PARVB: variants seen among roughly 807,000 people sequenced by gnomAD.
The protein encoded by PARVB is beta-parvin.
PARVB carries 46 observed loss-of-function variants against 47.0 expected under a neutral mutation model. The observed-to-expected ratio is 0.98, with a 90% CI of 0.77 to 1.25. The LOEUF is 1.25. Ranked by LOEUF, PARVB falls within the 50% of genes most tolerant of loss-of-function variation. The pLI is 0.00. For missense variants in PARVB, 473 were observed against 471.6 expected, an observed-to-expected ratio of 1.00 and a Z score of -0.03; for synonymous variants, 196 against 196.3, an observed-to-expected ratio of 1.00 and a Z score of 0.01.
At chr22:44,115,258 A>G (rs1408438232) in intron 3 of PARVB, 2 of 72,380 alleles carry the variant, frequency 2.8e-5, no homozygotes, top group Non-Finnish European at 5.4e-5. Flanking sequence ...ACACAGATAC[A>G]TTGTTACTAA....
chr22:44,114,332 T>C (rs1305518247), intron 3 of PARVB: 1 of 149,400 alleles, frequency 6.7e-6, no homozygotes, highest in Non-Finnish European at 1.5e-5. Context: ...ACATTGTTAC[T>C]AAAGCCTTGC....
At chr22:44,094,563 C>T (rs1448409294) in intron 2 of PARVB, among the ~76,000 whole-genome samples, 1 of 152,040 alleles carries the variant, frequency 6.6e-6, no homozygotes, top group African/African-American at 2.4e-5. Flanking sequence ...GATCACAGCT[C>T]ATGGCAGCCT....
intron 12 of PARVB, among the ~76,000 whole-genome samples, chr22:44,165,388 C>G (rs921005076): frequency 2.0e-5 from 3 of 152,342 alleles, no homozygotes; most frequent in Admixed American, 2.0e-4. Context: ...AACTGCTCGA[C>G]AGCACGGATC....
chr22:44,163,972 G>A (rs370326203), intron 12 of PARVB, 42 bp downstream of exon 12: 67 of 1,496,376 alleles, frequency 4.5e-5, no homozygotes, highest in African/African-American at 1.8e-4. Context: ...AGGTGCGCAC[G>A]GAGGGGAAGA....
intron 2 of PARVB, among the ~76,000 whole-genome samples, chr22:44,001,182 G>A (rs978966002): frequency 6.6e-6 from 1 of 152,146 alleles, no homozygotes; most frequent in Non-Finnish European, 1.5e-5. Flanking sequence ...CCCGGGAGGC[G>A]GAGCTTGCAG....
intron 3 of PARVB, chr22:44,105,847 G>GTCT (rs2052554454): frequency 6.6e-6 from 1 of 152,224 alleles, no homozygotes; most frequent in African/African-American, 2.4e-5. Flanking sequence ...TTGAGATAGG[G>GTCT]TCTTACTCTA....
intron 1 of PARVB, among the ~76,000 whole-genome samples, chr22:44,066,823 T>TCCTCC (rs1569088076): frequency 4.1e-5 from 1 of 24,646 alleles, no homozygotes; most frequent in African/African-American, 2.3e-4. Flanking sequence ...CCTCCTCCTC[T>TCCTCC]TCCTCCTCCA....
chr22:44,156,237 C>T (rs1013734702), intron 10 of PARVB, among the ~76,000 whole-genome samples: 1 of 151,398 alleles, frequency 6.6e-6, no homozygotes, highest in Non-Finnish European at 1.5e-5. Flanking sequence ...TGCTAAAGGT[C>T]AGGGCTTCTG....
chr22:44,160,034 A>G (rs1215159081), intron 11 of PARVB, among the ~76,000 whole-genome samples: 1 of 152,206 alleles, frequency 6.6e-6, no homozygotes, highest in African/African-American at 2.4e-5. Flanking sequence ...TTTAAAAAAT[A>G]TCACACTGGA....
At chr22:44,163,709 CCTGTG>C in intron 11 of PARVB, 144 bp from the exon 12 acceptor site, 1 of 583,168 alleles carries the variant, frequency 1.7e-6, no homozygotes, top group Non-Finnish European at 2.9e-6. Context: ...GTCTGCCCAC[CCTGTG>C]GCCCGCCCCG....
At chr22:44,120,841 G>GTT (rs61215212) in intron 4 of PARVB, among the ~76,000 whole-genome samples, 3 of 143,048 alleles carry the variant, frequency 2.1e-5, no homozygotes, top group Admixed American at 7.0e-5. Context: ...ACACTTGGCT[G>GTT]TTTTTTTTTT....
At chr22:44,151,304 T>C (rs907250565) in intron 9 of PARVB, 179 bp from the exon 10 acceptor site, 2 of 572,018 alleles carry the variant, frequency 3.5e-6, no homozygotes, top group African/African-American at 3.8e-5. Flanking sequence ...CATTATGCCA[T>C]GAAAACTAGG....
intron 6 of PARVB, among the ~76,000 whole-genome samples, chr22:44,135,476 C>G (rs1240204933): frequency 6.6e-6 from 1 of 152,168 alleles, no homozygotes; most frequent in Non-Finnish European, 1.5e-5. Flanking sequence ...CCAGAATGGT[C>G]TCAATCTCTT....
upstream of PARVB, among the ~76,000 whole-genome samples, chr22:44,021,959 A>G (rs564650030): frequency 6.6e-6 from 1 of 152,240 alleles, no homozygotes; most frequent in South Asian, 2.1e-4. Context: ...AAATGAACCT[A>G]GCCTACACCT....
chr22:44,128,219 C>T (rs1161513537), intron 4 of PARVB, among the ~76,000 whole-genome samples: 1 of 152,204 alleles, frequency 6.6e-6, no homozygotes, highest in African/African-American at 2.4e-5. Flanking sequence ...AGTGAGGTGC[C>T]CGTGCTGTGG....
At chr22:44,098,667 C>T (rs922543806) in intron 2 of PARVB, among the ~76,000 whole-genome samples, 4 of 152,122 alleles carry the variant, frequency 2.6e-5, no homozygotes, top group African/African-American at 9.7e-5. Context: ...CTGCACATTA[C>T]CTGGAGTGTC....
At chr22:44,098,047 A>G (rs1343684641) in intron 2 of PARVB, among the ~76,000 whole-genome samples, 1 of 152,186 alleles carries the variant, frequency 6.6e-6, no homozygotes, top group Non-Finnish European at 1.5e-5. Flanking sequence ...TGGGGGCCAC[A>G]TGAGCTGGGC....
chr22:44,055,674 C>CTATATATA (rs1263427845), intron 1 of PARVB, among the ~76,000 whole-genome samples: 6 of 136,978 alleles, frequency 4.4e-5, no homozygotes, highest in African/African-American at 1.4e-4. Flanking sequence ...CTCTCTCTCT[C>CTATATATA]TCTCTATATA....
chr22:44,040,305 A>T (rs982117171), intron 1 of PARVB, among the ~76,000 whole-genome samples: 2 of 129,832 alleles, frequency 1.5e-5, no homozygotes, highest in South Asian at 2.4e-4. Flanking sequence ...GAAATGTGTT[A>T]AAAAAAGATG....
Sources: gnomAD v4.1 joint callset for allele counts (sites outside exome capture counted in the v4.1 genomes callset) on GRCh38, gnomAD v4.1.1 for gene constraint, MANE v1.5 for transcripts, NCBI Gene and HGNC (gene_info 2026-07-23, HGNC 2026-07-21) for gene names.